Variants in SMG1 observed in about 807,000 individuals in gnomAD.
The protein encoded by SMG1 is serine/threonine-protein kinase SMG1.
A neutral mutation model predicts 419.9 loss-of-function variants in SMG1; 22 were observed. The observed-to-expected ratio is 0.05, with a 90% CI of 0.04 to 0.07. The LOEUF (loss-of-function observed/expected upper bound fraction) is 0.07. SMG1 is among the 10% of genes least tolerant of loss of function. The pLI is 1.00. For missense variants in SMG1, 3,185 were observed against 4,342.0 expected (o/e 0.73, Z 7.49); for synonymous variants, 1,538 against 1,553.5 (o/e 0.99, Z 0.23).
intron 6 of SMG1, among the ~76,000 whole-genome samples, chr16:18,888,688 G>C (rs904736206): frequency 6.6e-6 from 1 of 151,672 alleles, no homozygotes; most frequent in Non-Finnish European, 1.5e-5. Context: ...GGATGGTTTC[G>C]ATCTCTTGAC....
intron 1 of SMG1, among the ~76,000 whole-genome samples, chr16:18,924,607 CA>C (rs1204413078): frequency 3.9e-5 from 6 of 152,136 alleles, no homozygotes; most frequent in African/African-American, 1.4e-4. Flanking sequence ...TTATTTAAAG[CA>C]CTCACAAACT....
At chr16:18,891,203 G>C (rs1188242061) in intron 4 of SMG1, among the ~76,000 whole-genome samples, 1 of 152,188 alleles carries the variant, frequency 6.6e-6, no homozygotes, top group African/African-American at 2.4e-5. Flanking sequence ...AAAATTGACT[G>C]ATGGATGGAG....
At chr16:18,921,540 T>C (rs570802334) in intron 1 of SMG1, among the ~76,000 whole-genome samples, 1 of 152,276 alleles carries the variant, frequency 6.6e-6, no homozygotes, top group Non-Finnish European at 1.5e-5. Flanking sequence ...TGAATTCTAT[T>C]TGACTCTAGT....
rs1385905612 is a variant in SMG1 at position 18,902,171 on chromosome 16, G to A, written c.93-5215C>T. On this transcript the variant is annotated intron_variant, in intron 1 of 62. Transcript: ENST00000446231. ...AAAACAGAGTGAGCTTCCCTGGTAG[G>A]CAATAATTCATGAGTATTGTCGCAC... Among the ~76,000 whole-genome samples the A allele has an allele frequency of 2.0e-5, 3 of 152,190 alleles. No homozygotes were observed. In the East Asian group the frequency reaches 5.8e-4, roughly 29 times the overall value.
chr16:18,901,035 C>A (rs1281529394), intron 1 of SMG1, among the ~76,000 whole-genome samples: 1 of 151,860 alleles, frequency 6.6e-6, no homozygotes, highest in African/African-American at 2.4e-5. Flanking sequence ...ATTTATTATA[C>A]AAATCTCTTC....
In SMG1 at chr16:18,829,658, T is replaced by C; in HGVS notation, c.9231A>G (p.Gln3077=). 6.2e-7 allele frequency: 1 copy of C among 1,614,014 alleles called. No homozygotes were observed. Among genetic ancestry groups the C allele is most frequent in the Non-Finnish European group, 8.5e-7 (1 of 1,179,888 alleles). ...TGAATGCCTTGATAGGTTTGGCCATTTGGTCTTCACTGAAACAAGAGTTTC... is the reference window on the plus strand; with the variant it reads ...TGAATGCCTTGATAGGTTTGGCCATCTGGTCTTCACTGAAACAAGAGTTTC... ...LFRNSCFSED[Q]MAKPIKAFTA... The change falls in exon 54 of 63, where the codon CAA becomes CAG. Residue 3077 remains glutamine (Q), a synonymous_variant. Coordinates refer to ENST00000446231, the MANE Select transcript of SMG1 (RefSeq NM_015092.5).
At chr16:18,868,980 C>G (rs1481515018) in intron 20 of SMG1, 124 bp downstream of exon 20, 14 of 847,566 alleles carry the variant, frequency 1.7e-5, no homozygotes, top group Non-Finnish European at 1.8e-6. Flanking sequence ...ACAAACATAC[C>G]TGAAAATTAT....
At chr16:18,916,745 A>G (rs1489377926) in intron 1 of SMG1, among the ~76,000 whole-genome samples, 1 of 152,062 alleles carries the variant, frequency 6.6e-6, no homozygotes, top group African/African-American at 2.4e-5. Flanking sequence ...CAAAAATAAA[A>G]TGGGCTCTGA....
chr16:18,920,620 A>G (rs1203418433), intron 1 of SMG1, among the ~76,000 whole-genome samples: 1 of 151,852 alleles, frequency 6.6e-6, no homozygotes, highest in Non-Finnish European at 1.5e-5. Context: ...GGATCACTTG[A>G]GCCTAGGTAT....
In SMG1 at chr16:18,809,311, A is replaced by G. The variant is rs2031149710; in HGVS notation, c.*258T>C. The G allele has an allele frequency of 2.1e-6, 1 of 471,572 alleles. No individual in the cohort carries two copies. 29.2% of individuals were successfully genotyped at this position (471,572 alleles called of 1,614,324 possible). A position where few individuals can be genotyped will look rare whatever the true frequency, so the allele number is the denominator to read the frequency against. On this transcript the variant is annotated 3_prime_UTR_variant, in exon 63 of 63. Coordinates refer to ENST00000446231, the MANE Select transcript of SMG1 (RefSeq NM_015092.5). ...TGCTGCTGTTCTGTGGCAGAAAGACAATCTCCGTGTTCAGGCGGTGAGCTT... is the reference window on the plus strand; with the variant it reads ...TGCTGCTGTTCTGTGGCAGAAAGACGATCTCCGTGTTCAGGCGGTGAGCTT...
At chr16:18,863,936 A>C (rs962373669) in intron 24 of SMG1, 66 bp downstream of exon 24, 9 of 1,562,854 alleles carry the variant, frequency 5.8e-6, no homozygotes, top group Non-Finnish European at 7.8e-6. Flanking sequence ...AAAACATAAA[A>C]TAAGATCATC....
intron 56 of SMG1, 46 bp from the exon 57 acceptor site, chr16:18,817,516 G>A: frequency 7.0e-7 from 1 of 1,419,970 alleles, no homozygotes; most frequent in Non-Finnish European, 9.5e-7. Flanking sequence ...GGAGGAAGGT[G>A]GGAAAGGGAG....
At position 18,821,232 on chromosome 16, in the gene SMG1, T is replaced by TC. The variant is rs2032522400; in HGVS notation, c.9742-1579_9742-1578insG. 9.0e-5 allele frequency among the ~76,000 whole-genome samples: 7 copies of TC among 77,960 alleles called. 1 individual carries two copies. Among genetic ancestry groups the TC allele is most frequent in the African/African-American group, 3.6e-4 (7 of 19,468 alleles). The allele number at this position is 77,960 out of a possible 152,430, so 51.1% of individuals were successfully genotyped here. A position where few individuals can be genotyped will look rare whatever the true frequency, so the allele number is the denominator to read the frequency against. ...TATTTAGTATGTTTCTTTTTTTTTT[T>TC]TTTTTTTTCTTTTTTTTTTCTTTTT... On this transcript the variant is annotated intron_variant, in intron 55 of 62. Coordinates refer to ENST00000446231, the MANE Select transcript of SMG1 (RefSeq NM_015092.5).
At chr16:18,813,733 T>C (rs934220110) in intron 60 of SMG1, among the ~76,000 whole-genome samples, 8 of 152,198 alleles carry the variant, frequency 5.3e-5, no homozygotes, top group Admixed American at 4.6e-4. Flanking sequence ...ATGGAGTCCT[T>C]GCCCATGCCT....
In SMG1 at chr16:18,839,806, T is replaced by C; in HGVS notation, c.6837A>G (p.Val2279=). The change falls in exon 42 of 63, where the codon GTA becomes GTG. Residue 2279 remains valine (V), a synonymous_variant. Coordinates refer to ENST00000446231, the MANE Select transcript of SMG1 (RefSeq NM_015092.5). ...DVSRRDWPLH[V]MKAVLEELME... ...TTAACTCTTCCAATACTGCCTTCAT[T>C]ACATGAAGAGGCCAATCCCGACGGG... 2 of 1,613,932 alleles carry C rather than the reference T, an allele frequency of 1.2e-6. No individual in the cohort carries two copies. The highest frequency in any genetic ancestry group is 1.3e-5 in the African/African-American group (1 of 75,026).
intron 41 of SMG1, among the ~76,000 whole-genome samples, chr16:18,840,376 T>C (rs2033845603): frequency 2.6e-5 from 4 of 152,224 alleles, no homozygotes; most frequent in Admixed American, 1.3e-4. Flanking sequence ...ATAGCCCTTC[T>C]CTAATTACTA....
chr16:18,811,848 G>C lies in SMG1; in HGVS notation c.10821C>G (p.Ser3607=). 1 of 1,613,908 alleles carries C rather than the reference G, an allele frequency of 6.2e-7. No homozygotes were observed. The highest frequency in any genetic ancestry group is 8.5e-7 in the Non-Finnish European group (1 of 1,179,826). The change falls in exon 62 of 63, where the codon TCC becomes TCG. Residue 3607 remains serine (S), a synonymous_variant. Coordinates refer to ENST00000446231, the MANE Select transcript of SMG1 (RefSeq NM_015092.5). ...CTCTCTTCCACACACTCACTGCATA[G>C]GAGTTTCTCTCTTGCACCGCTATGA... ...KTGKAVQERN[S]YAVSVWKRVK...
intron 1 of SMG1, among the ~76,000 whole-genome samples, chr16:18,900,248 T>C (rs1308435316): frequency 4.6e-5 from 7 of 152,206 alleles, no homozygotes; most frequent in Admixed American, 2.6e-4. Context: ...ACCAAAAAAA[T>C]TTTAGTACAT....
intron 3 of SMG1, among the ~76,000 whole-genome samples, chr16:18,895,383 G>T (rs1489342946): frequency 6.6e-6 from 1 of 152,008 alleles, no homozygotes; most frequent in Non-Finnish European, 1.5e-5. Context: ...GGAGGCTGAG[G>T]CACGAGAATC....
Sources: allele counts gnomAD v4.1 joint callset (sites outside exome capture counted in the v4.1 genomes callset), GRCh38; gene constraint gnomAD v4.1.1; transcripts MANE v1.5; gene names NCBI Gene and HGNC (gene_info 2026-07-23, HGNC 2026-07-21).